The following UMAD1 variants were observed in gnomAD, a reference collection of about 807,000 sequenced individuals.
The protein encoded by UMAD1 is UBAP1-MVB12-associated (UMA) domain containing 1.
Under a neutral mutation model 6.1 loss-of-function variants are expected in UMAD1, and 8 were observed. The ratio of observed to expected loss-of-function variants is 1.30; its 90% CI spans 0.76 to 2.35. The LOEUF is 2.35. Ranked by LOEUF, UMAD1 falls within the 30% of genes most tolerant of loss-of-function variation. UMAD1 has a pLI of 0.00. For missense variants in UMAD1, 130 were observed against 78.4 expected (o/e 1.66, Z -2.49); for synonymous variants, 56 against 31.4 (o/e 1.78, Z -2.61).
chr7:7,656,953 T>A (rs947017834), intron 1 of UMAD1, among the ~76,000 whole-genome samples: 1 of 152,192 alleles, frequency 6.6e-6, no homozygotes, highest in Non-Finnish European at 1.5e-5. Context: ...GCCTTCCTAT[T>A]TCTACACATC....
chr7:7,789,338 C>A (rs562650239), intron 2 of UMAD1, among the ~76,000 whole-genome samples: 9 of 144,994 alleles, frequency 6.2e-5, no homozygotes, highest in Admixed American at 1.3e-4. Context: ...ATTAAAATAA[C>A]AATGTGAATA....
In UMAD1 at chr7:7,830,988, T is replaced by C. The variant is rs7785174; in HGVS notation, c.156+29245T>C. Among the ~76,000 whole-genome samples, 611 of 152,304 alleles carry C rather than the reference T, an allele frequency of 4.0e-3. 3 individuals are homozygous for C. Among genetic ancestry groups the C allele is most frequent in the African/African-American group, 0.014 (572 of 41,582 alleles). On this transcript the variant is annotated intron_variant, in intron 3 of 3. Coordinates refer to ENST00000682710, the MANE Select transcript of UMAD1 (RefSeq NM_001302348.2). The surrounding 1 kb of genome is among the most constrained non-coding windows in gnomAD (Gnocchi z 5.3). ...ACCAGTCCTTAAAATATGTATTTTA[T>C]TGATAAAAATCAATGCTTGTATTTC...
At chr7:7,813,976 A>G (rs73674639) in intron 3 of UMAD1, among the ~76,000 whole-genome samples, 10,387 of 150,340 alleles carry the variant, frequency 0.069, 420 homozygotes, top group Non-Finnish European at 0.091. Context: ...CTAATTTCAT[A>G]TTGCTTTTTA....
At chr7:7,756,477 G>A (rs183667887) in intron 2 of UMAD1, among the ~76,000 whole-genome samples, 58 of 152,250 alleles carry the variant, frequency 3.8e-4, no homozygotes, top group African/African-American at 1.3e-3. Flanking sequence ...CTTGATTTAA[G>A]GTTCCAAAGA....
At position 7,796,329 on chromosome 7, in the gene UMAD1, A is replaced by G. The variant is rs1005388022; in HGVS notation, c.83-5341A>G. 3.1e-5 allele frequency among the ~76,000 whole-genome samples: 4 copies of G among 130,904 alleles called. No individual in the cohort carries two copies. The Admixed American group carries it at 3.8e-4, about 12-fold the overall frequency. The allele number at this position is 130,904 out of a possible 152,430, so 85.9% of individuals were successfully genotyped here. On this transcript the variant is annotated intron_variant, in intron 2 of 3. Transcript: ENST00000682710. ...TGCAATGGCATAATCTCGGCTCACCACAACCTCCGCCTCCCAGGTTCAAGT... is the reference window on the plus strand; with the variant it reads ...TGCAATGGCATAATCTCGGCTCACCGCAACCTCCGCCTCCCAGGTTCAAGT...
chr7:7,666,916 C>T (rs1779477382), intron 1 of UMAD1, among the ~76,000 whole-genome samples: 1 of 152,156 alleles, frequency 6.6e-6, no homozygotes, highest in African/African-American at 2.4e-5. Context: ...AGTAATTCTC[C>T]TGCCTCTCAG....
chr7:7,871,491 C>T lies in UMAD1; in HGVS notation c.157-5790C>T, dbSNP rs1011602885. On this transcript the variant is annotated intron_variant, in intron 3 of 3. Transcript: ENST00000682710. The stretch of plus-strand genomic sequence containing the variant: ...CCTCAGTTTCCTCTTGTCTTTAATA[C>T]GGGACTAATAGGAGCACATACCCTT... 6.6e-5 allele frequency among the ~76,000 whole-genome samples: 10 copies of T among 152,110 alleles called. No individual in the cohort carries two copies. In the East Asian group the frequency reaches 1.2e-3, roughly 18 times the overall value.
intron 2 of UMAD1, among the ~76,000 whole-genome samples, chr7:7,762,244 G>A (rs1193543210): frequency 2.6e-5 from 4 of 151,978 alleles, no homozygotes; most frequent in East Asian, 1.9e-4. Flanking sequence ...TGTCTAATTC[G>A]GAGAACTTTC....
At chr7:7,836,336 A>G (rs1381675841) in intron 3 of UMAD1, among the ~76,000 whole-genome samples, 1 of 152,050 alleles carries the variant, frequency 6.6e-6, no homozygotes, top group Non-Finnish European at 1.5e-5. Flanking sequence ...TAGCTATAAA[A>G]GTCTTATGTT....
chr7:7,819,452 C>G (rs970741615), intron 3 of UMAD1, among the ~76,000 whole-genome samples: 1 of 152,026 alleles, frequency 6.6e-6, no homozygotes, highest in Non-Finnish European at 1.5e-5. Context: ...TGCAGGGTCT[C>G]TTTAGGTATG....
intron 1 of UMAD1, among the ~76,000 whole-genome samples, chr7:7,671,157 A>G (rs1342896867): frequency 6.6e-6 from 1 of 152,006 alleles, no homozygotes; most frequent in Non-Finnish European, 1.5e-5. Flanking sequence ...TTGCAGTACA[A>G]CTCTCAAAAA....
chr7:7,744,572 C>G (rs941533589), intron 2 of UMAD1, among the ~76,000 whole-genome samples: 3 of 150,990 alleles, frequency 2.0e-5, no homozygotes, highest in Non-Finnish European at 4.4e-5. Flanking sequence ...TCTCCACGTC[C>G]TGGTAACACT....
At chr7:7,718,100 TATA>T (rs1485689455) in intron 2 of UMAD1, among the ~76,000 whole-genome samples, 1 of 152,208 alleles carries the variant, frequency 6.6e-6, no homozygotes, top group Non-Finnish European at 1.5e-5. Context: ...CACATTGTTG[TATA>T]ATAAGTTATA....
At chr7:7,827,888 A>G (rs1359347437) in intron 3 of UMAD1, among the ~76,000 whole-genome samples, 3 of 152,314 alleles carry the variant, frequency 2.0e-5, no homozygotes, top group East Asian at 3.9e-4. Flanking sequence ...ATATATAAAT[A>G]TGTTTAACCC....
chr7:7,723,027 A>T (rs1471315728), intron 2 of UMAD1, among the ~76,000 whole-genome samples: 6 of 94,910 alleles, frequency 6.3e-5, no homozygotes, highest in African/African-American at 1.3e-4. Context: ...GCCTGAGGCA[A>T]CAGTGATGGC....
At chr7:7,782,734 CTTT>C (rs777169882) in intron 2 of UMAD1, among the ~76,000 whole-genome samples, 8 of 127,146 alleles carry the variant, frequency 6.3e-5, no homozygotes, top group Middle Eastern at 4.1e-3. Flanking sequence ...TAACCTCTCT[CTTT>C]TTTTTTTTTT....
chr7:7,678,579 A>AATATATATTTATATACTTAATTTATAG lies in UMAD1; in HGVS notation c.82+5130_82+5156dup, dbSNP rs1241129180. Among the ~76,000 whole-genome samples, 85 of 136,358 alleles carry AATATATATTTATATACTTAATTTATAG rather than the reference A, an allele frequency of 6.2e-4. 1 individual carries two copies. The highest frequency in any genetic ancestry group is 4.6e-3 in the Middle Eastern group (1 of 216). 89.5% of individuals were successfully genotyped at this position (136,358 alleles called of 152,430 possible). A position where few individuals can be genotyped will look rare whatever the true frequency, so the allele number is the denominator to read the frequency against. On this transcript the variant is annotated intron_variant, in intron 2 of 3. Transcript: ENST00000682710. ...TATTTATATACTTAATTTATAGATA[A>AATATATATTTATATACTTAATTTATAG]ATATATATTTATATACTTAATTTAT...
intron 1 of UMAD1, among the ~76,000 whole-genome samples, chr7:7,669,798 T>G (rs1249914469): frequency 1.3e-5 from 2 of 152,196 alleles, no homozygotes; most frequent in Admixed American, 1.3e-4. Context: ...TGTCTGAAAT[T>G]ATCCAAAGCA....
At chr7:7,835,887 G>A (rs560896568) in intron 3 of UMAD1, among the ~76,000 whole-genome samples, 3 of 151,886 alleles carry the variant, frequency 2.0e-5, no homozygotes, top group Non-Finnish European at 4.4e-5. Flanking sequence ...CAATTGGTTT[G>A]GAAGATGATG....
Sources: gnomAD v4.1 joint callset for allele counts (sites outside exome capture counted in the v4.1 genomes callset) on GRCh38, gnomAD v4.1.1 for gene constraint, Gnocchi (gnomAD v3.1) non-coding constraint, MANE v1.5 for transcripts, NCBI Gene and HGNC (gene_info 2026-07-23, HGNC 2026-07-21) for gene names.